OSGIN1: variants seen among roughly 807,000 people sequenced by gnomAD.
OSGIN1 encodes the protein oxidative stress induced growth inhibitor 1, also known as oxidative stress-induced growth inhibitor 1.
Under a neutral mutation model 20.1 loss-of-function variants are expected in OSGIN1, and 19 were observed. That is an observed-to-expected ratio of 0.95 (90% CI 0.66 to 1.39). OSGIN1 has a LOEUF of 1.39. Among genes scored for constraint, OSGIN1 ranks in the 40% most tolerant of loss-of-function variants. OSGIN1 has a pLI of 0.00. For missense variants in OSGIN1, 820 were observed against 653.0 expected (o/e 1.26, Z -2.79); for synonymous variants, 368 against 297.8 (o/e 1.24, Z -2.43).
chr16:83,957,842 C>A (rs890903099), intron 2 of OSGIN1, 104 bp downstream of exon 2: 2 of 430,642 alleles, frequency 4.6e-6, no homozygotes, highest in Non-Finnish European at 8.4e-6. Flanking sequence ...TGTCTTTTTT[C>A]GTTTTTGGGG....
intron 5 of OSGIN1, among the ~76,000 whole-genome samples, chr16:83,962,339 A>T (rs934736252): frequency 2.6e-5 from 4 of 152,148 alleles, no homozygotes; most frequent in African/African-American, 9.6e-5. Flanking sequence ...CCCAGGTTCA[A>T]GCCATTCTCC....
intron 2 of OSGIN1, among the ~76,000 whole-genome samples, chr16:83,958,003 A>G (rs1416396359): frequency 6.6e-6 from 1 of 152,030 alleles, no homozygotes; most frequent in African/African-American, 2.4e-5. Context: ...CAGCCTACCA[A>G]GTAGCTGGGA....
intron 5 of OSGIN1, among the ~76,000 whole-genome samples, chr16:83,964,855 C>T (rs2084257035): frequency 6.6e-6 from 1 of 152,172 alleles, no homozygotes; most frequent in Non-Finnish European, 1.5e-5. Context: ...CACCCTACAC[C>T]ACCTCTCCTG....
At chr16:83,964,924 T>C (rs1404180626) in intron 5 of OSGIN1, 138 bp from the exon 6 acceptor site, 1 of 654,236 alleles carries the variant, frequency 1.5e-6, no homozygotes, top group Non-Finnish European at 2.7e-6. Context: ...TTAGAGAGGT[T>C]GAATTACCTG....
chr16:83,963,919 A>C (rs979837460), intron 5 of OSGIN1, among the ~76,000 whole-genome samples: 3 of 152,214 alleles, frequency 2.0e-5, no homozygotes, highest in African/African-American at 7.2e-5. Flanking sequence ...CAACAACAAC[A>C]ATAATAGAAT....
chr16:83,956,224 G>T (rs1908920011), intron 1 of OSGIN1, among the ~76,000 whole-genome samples: 1 of 152,190 alleles, frequency 6.6e-6, no homozygotes, highest in African/African-American at 2.4e-5. Context: ...CTCTCCTCGG[G>T]ACCTGCCTGG....
At chr16:83,961,506 A>C (rs113181358) in intron 5 of OSGIN1, among the ~76,000 whole-genome samples, 5,469 of 152,248 alleles carry the variant, frequency 0.036, 358 homozygotes, top group African/African-American at 0.13. Context: ...GGTGGCCCTC[A>C]GCAGTTCTCA....
chr16:83,959,246 C>T lies in OSGIN1; in HGVS notation c.68-14C>T. ...AAAAGGCCACCCCCTTTAACCTCCA[C>T]CCTCTCTCCCCAGGTAACGGCCCCT... On this transcript the variant is annotated splice_polypyrimidine_tract_variant and intron_variant, in intron 2 of 5. Coordinates refer to ENST00000393306, the MANE Select transcript of OSGIN1 (RefSeq NM_182981.3). The T allele has an allele frequency of 6.2e-7, 1 of 1,611,948 alleles. No homozygotes were observed. The highest frequency in any genetic ancestry group is 8.5e-7 in the Non-Finnish European group (1 of 1,178,666).
chr16:83,965,378 C>G lies in OSGIN1; in HGVS notation c.805C>G (p.Leu269Val). Residue 269 changes from leucine to valine, a missense_variant, in exon 6 of 6, where the codon CTG (leucine) becomes GTG (valine). Leu to Val is a conservative substitution (Grantham distance 32). Transcript: ENST00000393306. ...GEALPFIHHE[L>V]SALEAATRVG... Reference sequence around the variant, plus strand: ...GGCCCTGCCCTTCATCCACCATGAGCTGTCTGCCCTGGAGGCCGCCACAAG... The same window carrying G: ...GGCCCTGCCCTTCATCCACCATGAGGTGTCTGCCCTGGAGGCCGCCACAAG... 1 of 1,573,182 alleles carries G rather than the reference C, an allele frequency of 6.4e-7. No homozygotes were observed. Among genetic ancestry groups the G allele is most frequent in the Non-Finnish European group, 8.6e-7 (1 of 1,162,530 alleles).
intron 2 of OSGIN1, among the ~76,000 whole-genome samples, chr16:83,958,438 G>C (rs1008519232): frequency 2.6e-5 from 4 of 152,200 alleles, no homozygotes; most frequent in South Asian, 4.1e-4. Context: ...AGCGGCTTAT[G>C]ATTCCTGTCC....
Position 83,957,627 on chromosome 16 carries a change from TC to T in OSGIN1, c.-32-8del. 1.5e-6 allele frequency: 2 copies of T among 1,357,816 alleles called. No homozygotes were observed. The highest frequency in any genetic ancestry group is 1.2e-5 in the South Asian group (1 of 81,644). The allele number at this position is 1,357,816 out of a possible 1,614,324, so 84.1% of individuals were successfully genotyped here. On this transcript the variant is annotated splice_polypyrimidine_tract_variant and intron_variant, in intron 1 of 5. Coordinates refer to ENST00000393306, the MANE Select transcript of OSGIN1 (RefSeq NM_182981.3). ...CCCGAATGGACTCTTCCTTCCCCTC[TC>T]CCCCACTCCAGGTCCGCTGCCAGCC...
chr16:83,961,941 A>G (rs1407851632), intron 5 of OSGIN1, among the ~76,000 whole-genome samples: 1 of 151,176 alleles, frequency 6.6e-6, no homozygotes, highest in Non-Finnish European at 1.5e-5. Context: ...GTCAGCTAAT[A>G]GGGTGACTTT....
rs148450789 is a variant in OSGIN1, at chr16:83,960,661, T to C, written c.297T>C (p.Phe99=). 5.6e-6 allele frequency: 9 copies of C among 1,613,438 alleles called. No individual in the cohort carries two copies. In the African/African-American group the frequency reaches 8.0e-5, roughly 14 times the overall value. Residue 99 remains phenylalanine, a synonymous_variant, in exon 4 of 6, where the codon TTT becomes TTC. Coordinates refer to ENST00000393306, the MANE Select transcript of OSGIN1 (RefSeq NM_182981.3). The part of the protein sequence containing the change: ...FDALLRPDTD[F]GGNMKSVLTW... ...CCCTTCTACGCCCAGACACAGACTT[T>C]GGGGGAAACATGAAGTCGGTCCTCA...
intron 1 of OSGIN1, among the ~76,000 whole-genome samples, chr16:83,955,196 C>G (rs763860950): frequency 7.9e-5 from 12 of 152,274 alleles, no homozygotes; most frequent in African/African-American, 2.9e-4. Context: ...CAGAGCCATT[C>G]GAGGGTATCA....
intron 1 of OSGIN1, among the ~76,000 whole-genome samples, chr16:83,957,379 G>A (rs949987057): frequency 2.0e-5 from 3 of 152,154 alleles, no homozygotes; most frequent in Non-Finnish European, 4.4e-5. Context: ...GAGGCTCGGA[G>A]GGACAGTGGC....
At chr16:83,953,825 C>G (rs868234337) in intron 1 of OSGIN1, among the ~76,000 whole-genome samples, 5 of 152,326 alleles carry the variant, frequency 3.3e-5, no homozygotes, top group South Asian at 4.1e-4. Context: ...GAGGTCCCAG[C>G]GACTTAGCTT....
Position 83,965,928 on chromosome 16 carries a change from A to G in OSGIN1, c.1355A>G (p.Asn452Ser), listed in dbSNP as rs200121755. The change falls in exon 6 of 6, where the codon AAC becomes AGC. Residue 452 changes from asparagine (N) to serine (S), a missense_variant. Transcript: ENST00000393306. ...LYAMGPLAGDNFVRFVQGGAL... is the reference protein window; with the variant it reads ...LYAMGPLAGDSFVRFVQGGAL... ...GCCATGGGGCCGCTGGCCGGGGACA[A>G]CTTCGTGAGGTTTGTGCAGGGGGGC... 6.2e-7 allele frequency: 1 copy of G among 1,612,474 alleles called. No homozygotes were observed. Among genetic ancestry groups the G allele is most frequent in the Non-Finnish European group, 8.5e-7 (1 of 1,179,906 alleles).
At chr16:83,958,808 G>T (rs1276927333) in intron 2 of OSGIN1, among the ~76,000 whole-genome samples, 2 of 152,208 alleles carry the variant, frequency 1.3e-5, no homozygotes, top group African/African-American at 4.8e-5. Flanking sequence ...AGCAATCTGT[G>T]CTACATTCAC....
At chr16:83,953,662 A>G (rs1908795531) in intron 1 of OSGIN1, among the ~76,000 whole-genome samples, 2 of 152,192 alleles carry the variant, frequency 1.3e-5, no homozygotes, top group Non-Finnish European at 2.9e-5. Context: ...CGCCGCTCCT[A>G]GCAGGAAAGA....
Sources: allele counts gnomAD v4.1 joint callset (sites outside exome capture counted in the v4.1 genomes callset), GRCh38; gene constraint gnomAD v4.1.1; transcripts MANE v1.5; gene names NCBI Gene and HGNC (gene_info 2026-07-23, HGNC 2026-07-21).